The following ASIP variants were observed in gnomAD, a reference collection of about 807,000 sequenced individuals.
ASIP encodes agouti signaling protein.
Under a neutral mutation model 10.3 loss-of-function variants are expected in ASIP, and 11 were observed. The observed-to-expected ratio is 1.07, with a 90% CI of 0.68 to 1.78. The LOEUF (loss-of-function observed/expected upper bound fraction) is 1.78, where lower values mean the gene tolerates loss of function less well. ASIP is among the 40% of genes most tolerant of loss of function. The pLI is 0.00. For missense variants in ASIP, 180 were observed against 169.2 expected, an observed-to-expected ratio of 1.06 and a Z score of -0.35; for synonymous variants, 70 against 70.8, an observed-to-expected ratio of 0.99 and a Z score of 0.06.
intron 1 of ASIP, among the ~76,000 whole-genome samples, chr20:34,221,929 G>C (rs1222468268): frequency 6.6e-6 from 1 of 152,116 alleles, no homozygotes; most frequent in Non-Finnish European, 1.5e-5. Flanking sequence ...GGGCAACATG[G>C]CAAAACCTTG....
intron 1 of ASIP, chr20:34,250,093 C>G (rs1193392780): frequency 6.6e-6 from 1 of 152,266 alleles, no homozygotes; most frequent in African/African-American, 2.4e-5. Context: ...CAGGGATGAG[C>G]TTTACCAAGA....
At chr20:34,232,573 G>A (rs573601217) in intron 1 of ASIP, among the ~76,000 whole-genome samples, 1 of 152,308 alleles carries the variant, frequency 6.6e-6, no homozygotes, top group East Asian at 1.9e-4. Flanking sequence ...TAAGTCTCAG[G>A]AGGATCTGTA....
In ASIP at chr20:34,253,138, C is replaced by T. The variant is rs186051437; in HGVS notation, c.-10-7227C>T. 3.6e-3 allele frequency among the ~76,000 whole-genome samples: 539 copies of T among 151,226 alleles called. 6 individuals are homozygous for T. Among genetic ancestry groups the T allele is most frequent in the African/African-American group, 0.012 (501 of 41,184 alleles). On this transcript the variant is annotated intron_variant, in intron 1 of 3. Transcript: ENST00000374954. ...TTTATTTTTTTTTTAGACGAAGTCTCGCTCTGTTGCCCAGGCTGGAGTGCA... is the reference window on the plus strand; with the variant it reads ...TTTATTTTTTTTTTAGACGAAGTCTTGCTCTGTTGCCCAGGCTGGAGTGCA...
intron 1 of ASIP, among the ~76,000 whole-genome samples, chr20:34,201,169 A>G (rs577138220): frequency 1.3e-5 from 2 of 152,004 alleles, no homozygotes; most frequent in Admixed American, 1.3e-4. Context: ...TTCACATTGA[A>G]TATAGACAGG....
intron 1 of ASIP, among the ~76,000 whole-genome samples, chr20:34,196,702 C>T (rs949072365): frequency 1.3e-5 from 2 of 152,180 alleles, no homozygotes; most frequent in Non-Finnish European, 1.5e-5. Flanking sequence ...AGTTCCCATA[C>T]CTGCGTAGCC....
chr20:34,246,842 A>C (rs778285131), intron 1 of ASIP, among the ~76,000 whole-genome samples: 22 of 151,716 alleles, frequency 1.5e-4, no homozygotes, highest in African/African-American at 3.1e-4. Context: ...TCTTCTATTT[A>C]TTTCTTTTCC....
intron 1 of ASIP, among the ~76,000 whole-genome samples, chr20:34,217,833 A>C (rs546082926): frequency 6.6e-6 from 1 of 152,158 alleles, no homozygotes. Flanking sequence ...AAGTACTGGG[A>C]TTAACAGGCG....
chr20:34,200,969 T>TTTCCTTCC (rs1179933802), intron 1 of ASIP, among the ~76,000 whole-genome samples: 766 of 72,820 alleles, frequency 0.011, 24 homozygotes, highest in Non-Finnish European at 0.011. Flanking sequence ...TCTTTCTTTC[T>TTTCCTTCC]TTCCTTCCTT....
In ASIP at chr20:34,269,271, G is replaced by A. The variant is rs1181804059; in HGVS notation, c.*104G>A. 6 of 1,342,230 alleles carry A rather than the reference G, an allele frequency of 4.5e-6. No homozygotes were observed. The highest frequency in any genetic ancestry group is 1.6e-5 in the South Asian group (1 of 64,108). The allele number at this position is 1,342,230 out of a possible 1,614,324, so 83.1% of individuals were successfully genotyped here. ...CGGCTTCCCAGGGCTGCAGGCGGGCGGAGGTTCCAGGAGATGGGACTTCAG... is the reference window on the plus strand; with the variant it reads ...CGGCTTCCCAGGGCTGCAGGCGGGCAGAGGTTCCAGGAGATGGGACTTCAG... On this transcript the variant is annotated 3_prime_UTR_variant, in exon 4 of 4. Transcript: ENST00000374954.
At chr20:34,253,495 C>T (rs1489774996) in intron 1 of ASIP, among the ~76,000 whole-genome samples, 5 of 149,918 alleles carry the variant, frequency 3.3e-5, no homozygotes, top group Non-Finnish European at 5.9e-5. Flanking sequence ...TTTTTAGAGA[C>T]AGAGTCTTGC....
intron 1 of ASIP, among the ~76,000 whole-genome samples, chr20:34,232,611 G>C (rs1015407738): frequency 3.3e-5 from 5 of 152,194 alleles, no homozygotes; most frequent in Admixed American, 2.6e-4. Flanking sequence ...CCAGTATATA[G>C]TTTAAGGCCA....
chr20:34,199,408 G>C (rs1487011379), intron 1 of ASIP, among the ~76,000 whole-genome samples: 1 of 151,966 alleles, frequency 6.6e-6, no homozygotes, highest in African/African-American at 2.4e-5. Context: ...TTTCCAAAAT[G>C]ATTGTATCAT....
intron 3 of ASIP, among the ~76,000 whole-genome samples, chr20:34,267,772 C>T (rs1487770050): frequency 6.6e-6 from 1 of 151,846 alleles, no homozygotes; most frequent in African/African-American, 2.4e-5. Context: ...CTCAGGTGAT[C>T]CGCCTGCCTA....
chr20:34,252,429 G>A (rs1232156203), intron 1 of ASIP, among the ~76,000 whole-genome samples: 3 of 152,204 alleles, frequency 2.0e-5, no homozygotes, highest in Non-Finnish European at 2.9e-5. Context: ...GGATGTGCAC[G>A]TAGGCTAGAT....
intron 1 of ASIP, among the ~76,000 whole-genome samples, chr20:34,202,995 C>T (rs1329180709): frequency 3.3e-5 from 5 of 151,560 alleles, no homozygotes; most frequent in South Asian, 2.1e-4. Context: ...TTTTTAGTAG[C>T]GACGGGGTTT....
intron 1 of ASIP, among the ~76,000 whole-genome samples, chr20:34,243,938 G>A (rs1472227959): frequency 1.3e-5 from 2 of 152,058 alleles, no homozygotes; most frequent in East Asian, 1.9e-4. Flanking sequence ...GGTGGCGGGC[G>A]CCTGTAGTCC....
At chr20:34,205,162 T>A (rs1384847554) in intron 1 of ASIP, among the ~76,000 whole-genome samples, 1 of 152,050 alleles carries the variant, frequency 6.6e-6, no homozygotes, top group Non-Finnish European at 1.5e-5. Context: ...GTGTCCGGAG[T>A]TTGTTCCTTC....
chr20:34,204,675 T>C (rs2034923256), intron 1 of ASIP, among the ~76,000 whole-genome samples: 1 of 152,234 alleles, frequency 6.6e-6, no homozygotes, highest in South Asian at 2.1e-4. Context: ...GGAGTTTACT[T>C]TTTGTAGTTA....
At chr20:34,257,809 C>T (rs2035599279) in intron 1 of ASIP, among the ~76,000 whole-genome samples, 1 of 152,108 alleles carries the variant, frequency 6.6e-6, no homozygotes, top group Admixed American at 6.6e-5. Flanking sequence ...ATATTATTGG[C>T]ACATTAGCCT....
Sources: allele counts gnomAD v4.1 joint callset (sites outside exome capture counted in the v4.1 genomes callset), GRCh38; gene constraint gnomAD v4.1.1; transcripts MANE v1.5; gene names NCBI Gene and HGNC (gene_info 2026-07-23, HGNC 2026-07-21).